ZNF718: variants seen among roughly 807,000 people sequenced by gnomAD.
ZNF718 encodes the protein zinc finger protein 718.
A neutral mutation model predicts 2.6 loss-of-function variants in ZNF718; 3 were observed. The observed-to-expected ratio is 1.16, with a 90% CI of 0.53 to 3.01. The LOEUF (loss-of-function observed/expected upper bound fraction) is 3.01. Ranked by LOEUF, ZNF718 falls within the 30% of genes most tolerant of loss-of-function variation. The pLI is 0.03. For synonymous variants in ZNF718, 135 were observed against 77.9 expected, an observed-to-expected ratio of 1.73 and a Z score of -3.86; for missense variants, 468 against 230.0, an observed-to-expected ratio of 2.03 and a Z score of -6.69.
At chr4:176,219 G>C (rs1717343742) in intron 3 of ZNF718, among the ~76,000 whole-genome samples, 1 of 152,034 alleles carries the variant, frequency 6.6e-6, no homozygotes, top group East Asian at 1.9e-4. Flanking sequence ...TTCCATTCAG[G>C]GTAAAAATGG....
intron 3 of ZNF718, chr4:149,806 G>A (rs902167231): frequency 6.6e-6 from 1 of 152,062 alleles, no homozygotes; most frequent in Admixed American, 6.6e-5. Context: ...ATTATTCTGT[G>A]AGACAAACAC....
chr4:166,020 G>A (rs1553816766), downstream of ZNF718, among the ~76,000 whole-genome samples: 2 of 152,004 alleles, frequency 1.3e-5, no homozygotes, highest in East Asian at 1.9e-4. Context: ...CCCACAGCAG[G>A]CCCCAGTGTG....
downstream of ZNF718, among the ~76,000 whole-genome samples, chr4:168,182 G>C (rs574776335): frequency 3.3e-5 from 5 of 152,290 alleles, no homozygotes; most frequent in East Asian, 9.6e-4. Flanking sequence ...AAACAGCCTT[G>C]CATCCCAGGG....
At chr4:165,796 G>A (rs1553816700), downstream of ZNF718, among the ~76,000 whole-genome samples, 1 of 152,112 alleles carries the variant, frequency 6.6e-6, no homozygotes, top group East Asian at 1.9e-4. Context: ...GAGACTCAGT[G>A]TCAAAAGAAG....
At chr4:165,998 C>G (rs1399059624), downstream of ZNF718, among the ~76,000 whole-genome samples, 1 of 152,138 alleles carries the variant, frequency 6.6e-6, no homozygotes, top group Non-Finnish European at 1.5e-5. Context: ...CTAATGCTAT[C>G]CCTCCCCCAA....
chr4:159,935 A>T (rs1716750473), intron 3 of ZNF718, among the ~76,000 whole-genome samples: 1 of 152,172 alleles, frequency 6.6e-6, no homozygotes, highest in Non-Finnish European at 1.5e-5. Flanking sequence ...GTTGTCTTTG[A>T]TAGAGATTAT....
At chr4:148,280 A>G (rs1716156783) in intron 3 of ZNF718, among the ~76,000 whole-genome samples, 1 of 152,080 alleles carries the variant, frequency 6.6e-6, no homozygotes, top group South Asian at 2.1e-4. Flanking sequence ...CTTTGGTTGC[A>G]TGGACTCGGA....
chr4:136,177 C>T (rs1283081381), intron 3 of ZNF718, among the ~76,000 whole-genome samples: 1 of 152,088 alleles, frequency 6.6e-6, no homozygotes, highest in Non-Finnish European at 1.5e-5. Flanking sequence ...AGTTTGTCTG[C>T]GTATGATAGG....
intron 1 of ZNF718, chr4:125,076 C>G (rs1553807719): frequency 6.1e-6 from 1 of 164,282 alleles, no homozygotes; most frequent in Non-Finnish European, 1.3e-5. Context: ...TGGGAAAGCT[C>G]TGCCGTGGCT....
At position 133,198 on chromosome 4, in the gene ZNF718, ATATAT is replaced by A. The variant is rs1715402897; in HGVS notation, c.226+1694_226+1698del. 3.8e-3 allele frequency among the ~76,000 whole-genome samples: 74 copies of A among 19,250 alleles called. 4 individuals carry two copies. Among genetic ancestry groups the A allele is most frequent in the African/African-American group, 0.019 (71 of 3,812 alleles). 12.6% of individuals were successfully genotyped at this position (19,250 alleles called of 152,430 possible). A position where few individuals can be genotyped will look rare whatever the true frequency, so the allele number is the denominator to read the frequency against. ...ATCTTAAAAAAAAAAAAAAAAAAAT[ATATAT>A]ATATATATATATATATATATATATA... On this transcript the variant is annotated intron_variant, in intron 3 of 3. Transcript: ENST00000510175.
chr4:175,208 G>C (rs1440557748), intron 3 of ZNF718, among the ~76,000 whole-genome samples: 3 of 152,150 alleles, frequency 2.0e-5, no homozygotes, highest in Non-Finnish European at 2.9e-5. Flanking sequence ...ACCAACAACC[G>C]TTTTACCCCG....
chr4:188,494 G>T (rs546167847), intron 3 of ZNF718, among the ~76,000 whole-genome samples: 28 of 152,306 alleles, frequency 1.8e-4, no homozygotes, highest in African/African-American at 4.8e-4. Context: ...TGGAAGTGGG[G>T]CCCACAGACT....
At chr4:191,210 G>T (rs1359185435) in intron 3 of ZNF718, among the ~76,000 whole-genome samples, 2 of 140,182 alleles carry the variant, frequency 1.4e-5, no homozygotes, top group Non-Finnish European at 1.5e-5. Context: ...GTGCGGTGGT[G>T]TCATCTCGGC....
rs1203401108 is a variant in ZNF718 at position 196,459 on chromosome 4, G to C, written c.227-4622G>C. ...AACTTGCTAGAGGAAATGAAAGGCT[G>C]AACCATTAGTGCCTAGGAGGCAGGG... is the stretch of plus-strand genomic sequence containing the variant. On this transcript the variant is annotated intron_variant and NMD_transcript_variant, in intron 3 of 4. Coordinates refer to the ZNF718 transcript ENST00000642529. Among the ~76,000 whole-genome samples, 3 of 152,138 alleles carry C rather than the reference G, an allele frequency of 2.0e-5. No individual in the cohort carries two copies. The East Asian group carries it at 5.8e-4, about 29-fold the overall frequency.
chr4:186,835 A>G (rs140223147), intron 3 of ZNF718, among the ~76,000 whole-genome samples: 3 of 152,120 alleles, frequency 2.0e-5, no homozygotes, highest in African/African-American at 7.2e-5. Context: ...TTCTTAGCTC[A>G]CTGGGTTACA....
chr4:150,918 A>G (rs968134877), intron 3 of ZNF718, among the ~76,000 whole-genome samples: 15 of 152,086 alleles, frequency 9.9e-5, no homozygotes, highest in African/African-American at 3.6e-4. Flanking sequence ...GTAGTCATCA[A>G]CATTTTATTG....
chr4:150,541 A>G (rs1716270419), intron 3 of ZNF718, among the ~76,000 whole-genome samples: 1 of 152,126 alleles, frequency 6.6e-6, no homozygotes. Context: ...CACTTAATGT[A>G]ACGGCCTCCA....
At chr4:190,153 G>A (rs552625909) in intron 3 of ZNF718, among the ~76,000 whole-genome samples, 3 of 152,166 alleles carry the variant, frequency 2.0e-5, no homozygotes, top group East Asian at 3.9e-4. Context: ...GTTCTAGGCC[G>A]GGTGCGGTGG....
downstream of ZNF718, among the ~76,000 whole-genome samples, chr4:166,244 C>T (rs1553816793): frequency 1.3e-5 from 2 of 152,170 alleles, no homozygotes. Flanking sequence ...TTAATCCAGT[C>T]TACACTGTTG....
Sources: gnomAD v4.1 joint callset for allele counts (sites outside exome capture counted in the v4.1 genomes callset) on GRCh38, gnomAD v4.1.1 for gene constraint, MANE v1.5 for transcripts, NCBI Gene and HGNC (gene_info 2026-07-23, HGNC 2026-07-21) for gene names.